The following ROBO2 variants were observed in gnomAD, a reference collection of about 807,000 sequenced individuals.
The protein encoded by ROBO2 is roundabout guidance receptor 2, also known as roundabout homolog 2.
In ROBO2, 53 loss-of-function variants were observed where a neutral mutation model predicts 160.8. The ratio of observed to expected loss-of-function variants is 0.33; its 90% CI spans 0.26 to 0.41. The LOEUF (loss-of-function observed/expected upper bound fraction) is 0.41. ROBO2 is among the 10% of genes least tolerant of loss of function. The pLI is 1.00. For synonymous variants in ROBO2, 664 were observed against 611.7 expected, an observed-to-expected ratio of 1.09 and a Z score of -1.26; for missense variants, 1,577 against 1,722.4, an observed-to-expected ratio of 0.92 and a Z score of 1.49.
At chr3:76,317,777 T>A (rs998162269) in intron 2 of ROBO2, among the ~76,000 whole-genome samples, 2 of 152,090 alleles carry the variant, frequency 1.3e-5, no homozygotes, top group African/African-American at 4.8e-5. Flanking sequence ...GCAACTATAC[T>A]AAGATCTGTT....
chr3:76,488,470 C>T (rs2079620796), intron 2 of ROBO2, among the ~76,000 whole-genome samples: 1 of 152,116 alleles, frequency 6.6e-6, no homozygotes, highest in Non-Finnish European at 1.5e-5. Context: ...CCTGCCGTTG[C>T]CTGCCGTGTG....
At chr3:77,036,211 ACCACATAAG>A (rs2063626229), upstream of ROBO2, among the ~76,000 whole-genome samples, 1 of 151,944 alleles carries the variant, frequency 6.6e-6, no homozygotes. Flanking sequence ...AATAGTATCA[ACCACATAAG>A]CCTCTTATAG....
intron 2 of ROBO2, among the ~76,000 whole-genome samples, chr3:76,003,349 C>T (rs376339484): frequency 1.1e-4 from 16 of 152,066 alleles, no homozygotes; most frequent in African/African-American, 1.7e-4. Context: ...TTATACCAGC[C>T]GGGTATCCAA....
intron 2 of ROBO2, among the ~76,000 whole-genome samples, chr3:77,421,053 T>G (rs2077669347): frequency 6.6e-6 from 1 of 152,166 alleles, no homozygotes; most frequent in Non-Finnish European, 1.5e-5. Flanking sequence ...AAAACCATCA[T>G]AGTCTTTCCT....
intron 2 of ROBO2, among the ~76,000 whole-genome samples, chr3:76,206,986 G>C (rs1221592027): frequency 4.6e-5 from 7 of 152,018 alleles, no homozygotes; most frequent in Non-Finnish European, 1.0e-4. Flanking sequence ...ATGAGTTTAG[G>C]TTAATATAAA....
intron 2 of ROBO2, among the ~76,000 whole-genome samples, chr3:76,170,059 C>A (rs1038533731): frequency 2.6e-5 from 4 of 152,132 alleles, no homozygotes; most frequent in Non-Finnish European, 5.9e-5. Flanking sequence ...GGATTACAGG[C>A]GTGAGCCACT....
intron 5 of ROBO2, among the ~76,000 whole-genome samples, chr3:77,504,049 CT>C (rs2088077844): frequency 6.6e-6 from 1 of 152,072 alleles, no homozygotes; most frequent in African/African-American, 2.4e-5. Context: ...CTCACTGGCG[CT>C]TCATTTTAAA....
intron 2 of ROBO2, among the ~76,000 whole-genome samples, chr3:76,001,659 T>C (rs2065892259): frequency 6.6e-6 from 1 of 152,090 alleles, no homozygotes; most frequent in African/African-American, 2.4e-5. Context: ...CACCTCAGCC[T>C]CCTGGGTAAT....
chr3:76,545,005 G>A (rs2083017435), intron 2 of ROBO2, among the ~76,000 whole-genome samples: 1 of 151,934 alleles, frequency 6.6e-6, no homozygotes, highest in Non-Finnish European at 1.5e-5. Flanking sequence ...AGTAGATATT[G>A]ATGTCCAGGG....
At chr3:76,773,745 A>G (rs2062059140) in intron 2 of ROBO2, among the ~76,000 whole-genome samples, 1 of 150,756 alleles carries the variant, frequency 6.6e-6, no homozygotes, top group South Asian at 2.1e-4. Flanking sequence ...ACTGAGATCA[A>G]ATTTGGACCC....
chr3:77,557,882 A>G lies in ROBO2; in HGVS notation c.1232-62A>G, dbSNP rs1031116840. ...GGCTTTAACCTTACTTTCAGTGTCAATATATCAAGCCTACTGAACTACATT... is the reference window on the plus strand; with the variant it reads ...GGCTTTAACCTTACTTTCAGTGTCAGTATATCAAGCCTACTGAACTACATT... On this transcript the variant is annotated intron_variant, in intron 8 of 25. Coordinates refer to ENST00000461745, the Ensembl canonical transcript of ROBO2. 7 of 1,318,406 alleles carry G rather than the reference A, an allele frequency of 5.3e-6. No homozygotes were observed. In the African/African-American group the frequency reaches 8.8e-5, roughly 17 times the overall value. 81.7% of individuals were successfully genotyped at this position (1,318,406 alleles called of 1,614,324 possible).
At chr3:76,406,507 T>C (rs2078133142) in intron 2 of ROBO2, among the ~76,000 whole-genome samples, 2 of 151,768 alleles carry the variant, frequency 1.3e-5, no homozygotes, top group African/African-American at 4.8e-5. Context: ...GGTAAGTGAT[T>C]TGATAAGGAA....
intron 2 of ROBO2, among the ~76,000 whole-genome samples, chr3:77,467,615 CTATCTATCTATCTATCATCT>C (rs1435885323): frequency 1.3e-5 from 2 of 150,130 alleles, no homozygotes. Flanking sequence ...ATCTATCTAT[CTATCTATCTATCTATCATCT>C]ATCTATCTAT....
chr3:76,381,635 C>G (rs1041581988), intron 2 of ROBO2, among the ~76,000 whole-genome samples: 16 of 152,166 alleles, frequency 1.1e-4, no homozygotes, highest in Admixed American at 9.2e-4. Context: ...AGGTGTGAGC[C>G]ACTGTGCCCC....
intron 2 of ROBO2, among the ~76,000 whole-genome samples, chr3:77,378,027 G>T (rs189807516): frequency 2.0e-5 from 3 of 152,238 alleles, no homozygotes; most frequent in East Asian, 3.9e-4. Flanking sequence ...CTGGATGAAA[G>T]ATTTATCTGT....
intron 2 of ROBO2, among the ~76,000 whole-genome samples, chr3:76,837,998 A>G (rs2067865653): frequency 6.6e-6 from 1 of 152,074 alleles, no homozygotes; most frequent in Non-Finnish European, 1.5e-5. Flanking sequence ...ATACTCTTTC[A>G]TCTAATGAAA....
chr3:76,602,275 C>A (rs890012407), intron 2 of ROBO2, among the ~76,000 whole-genome samples: 1 of 152,156 alleles, frequency 6.6e-6, no homozygotes, highest in Non-Finnish European at 1.5e-5. Context: ...CTGTCTTCTT[C>A]TAAGCCCTCC....
intron 2 of ROBO2, among the ~76,000 whole-genome samples, chr3:76,495,497 T>G (rs148946859): frequency 6.6e-6 from 1 of 152,232 alleles, no homozygotes; most frequent in Non-Finnish European, 1.5e-5. Context: ...ATTAAATGAT[T>G]AATCATTTGT....
At chr3:77,034,136 G>A (rs1035214598) in intron 2 of ROBO2, among the ~76,000 whole-genome samples, 1 of 151,770 alleles carries the variant, frequency 6.6e-6, no homozygotes, top group Non-Finnish European at 1.5e-5. Flanking sequence ...AGTAGAAACT[G>A]TTTAAGAGAG....
Sources: gnomAD v4.1 joint callset for allele counts (sites outside exome capture counted in the v4.1 genomes callset) on GRCh38, gnomAD v4.1.1 for gene constraint, MANE v1.5 for transcripts, NCBI Gene and HGNC (gene_info 2026-07-23, HGNC 2026-07-21) for gene names.